Variants in TAGLN2 observed in about 807,000 individuals in gnomAD.
TAGLN2 encodes transgelin-2.
TAGLN2 carries 14 observed loss-of-function variants against 24.9 expected under a neutral mutation model. The ratio of observed to expected loss-of-function variants is 0.56; its 90% CI spans 0.37 to 0.88. The LOEUF (loss-of-function observed/expected upper bound fraction) is 0.88. Ranked by LOEUF, TAGLN2 falls within the 40% of genes least tolerant of loss-of-function variation. The pLI, the probability that TAGLN2 is intolerant of heterozygous loss-of-function variation, is 0.00. For missense variants in TAGLN2, 208 were observed against 258.9 expected (o/e 0.80, Z 1.35); for synonymous variants, 77 against 98.2 (o/e 0.78, Z 1.28).
chr1:159,919,805 G>C lies in TAGLN2; in HGVS notation c.211C>G (p.Pro71Ala). 6.2e-7 allele frequency: 1 copy of C among 1,614,164 alleles called. No homozygotes were observed. Among genetic ancestry groups the C allele is most frequent in the South Asian group, 1.1e-5 (1 of 91,080 alleles). Residue 71 changes from proline to alanine, a missense_variant, in exon 3 of 5, where the codon CCC becomes GCC. By Grantham distance (27) the Pro-to-Ala change is conservative. Coordinates refer to ENST00000368097, the MANE Select transcript of TAGLN2 (RefSeq NM_003564.3). Reference protein sequence around the residue: ...VLCELINALYPEGQAPVKKIQ... With the variant: ...VLCELINALYAEGQAPVKKIQ... ...TTCTTTACTGGGGCCTGCCCCTCGGGGTACAGTGCATTAATGAGCTCACAT... is the reference window on the plus strand; with the variant it reads ...TTCTTTACTGGGGCCTGCCCCTCGGCGTACAGTGCATTAATGAGCTCACAT...
At chr1:159,920,598 T>G in intron 1 of TAGLN2, 61 bp from the exon 2 acceptor site, 1 of 1,549,598 alleles carries the variant, frequency 6.5e-7, no homozygotes. Flanking sequence ...AGTGGGGAAT[T>G]CAGGAATTCT....
intron 1 of TAGLN2, chr1:159,923,457 GA>G: frequency 6.5e-7 from 1 of 1,550,206 alleles, no homozygotes; most frequent in Non-Finnish European, 8.7e-7. Flanking sequence ...CAAAGCCAAA[GA>G]AAAGGCGGAC....
chr1:159,920,592 G>C lies in TAGLN2; in HGVS notation c.-28-55C>G. On this transcript the variant is annotated intron_variant, in intron 1 of 4. Coordinates refer to ENST00000368097, the MANE Select transcript of TAGLN2 (RefSeq NM_003564.3). Reference sequence around the variant, plus strand: ...TCAACACCTTGCAGCCTGGGGAGTGGGGAATTCAGGAATTCTGCCTGCAGG... The same window carrying C: ...TCAACACCTTGCAGCCTGGGGAGTGCGGAATTCAGGAATTCTGCCTGCAGG... The C allele has an allele frequency of 6.4e-6, 10 of 1,560,154 alleles. No individual in the cohort carries two copies. The South Asian group carries it at 1.2e-4, about 19-fold the overall frequency.
chr1:159,919,222 G>T, intron 4 of TAGLN2, 52 bp downstream of exon 4: 1 of 1,534,536 alleles, frequency 6.5e-7, no homozygotes, highest in Non-Finnish European at 9.0e-7. Flanking sequence ...GGACAGGATT[G>T]GGCAGAAACA....
intron 4 of TAGLN2, 140 bp from the exon 5 acceptor site, chr1:159,919,081 C>T: frequency 8.0e-6 from 11 of 1,382,422 alleles, no homozygotes; most frequent in Non-Finnish European, 1.1e-5. Flanking sequence ...TCTCTGAAGC[C>T]ACCTCCTCAT....
intron 4 of TAGLN2, 74 bp from the exon 5 acceptor site, chr1:159,919,015 A>T: frequency 2.5e-6 from 4 of 1,587,472 alleles, no homozygotes; most frequent in Non-Finnish European, 3.4e-6. Context: ...GACAGAGCAC[A>T]GGCTTTGCTG....
chr1:159,918,980 G>C (rs1309386667), intron 4 of TAGLN2, 39 bp from the exon 5 acceptor site: 1 of 1,611,822 alleles, frequency 6.2e-7, no homozygotes, highest in Non-Finnish European at 8.5e-7. Context: ...GAGATCACAG[G>C]CTGCCCTAGT....
rs772601440 is a variant in TAGLN2 at position 159,920,470 on chromosome 1, C to A, written c.40G>T (p.Val14Leu). Residue 14 changes from valine to leucine, a missense_variant, in exon 2 of 5, where the codon GTG (valine) becomes TTG (leucine). Val to Leu is a conservative substitution (Grantham distance 32). Transcript: ENST00000368097. ...RGPAYGLSRE[V>L]QQKIEKQYDA... ...TATTGTTTCTCAATCTTCTGCTGCACCTCCCGGCTCAGGCCATATGCAGGT... is the reference window on the plus strand; with the variant it reads ...TATTGTTTCTCAATCTTCTGCTGCAACTCCCGGCTCAGGCCATATGCAGGT... The A allele has an allele frequency of 1.2e-6, 2 of 1,614,276 alleles. No homozygotes were observed. Among genetic ancestry groups the A allele is most frequent in the South Asian group, 1.1e-5 (1 of 91,092 alleles).
intron 2 of TAGLN2, 83 bp from the exon 3 acceptor site, chr1:159,919,918 C>T (rs953765229): frequency 3.4e-5 from 51 of 1,481,048 alleles, no homozygotes; most frequent in South Asian, 1.8e-4. Context: ...GAACCAGAGA[C>T]AATGAACCAG....
At chr1:159,922,754 C>G (rs903432975) in intron 1 of TAGLN2, among the ~76,000 whole-genome samples, 2 of 152,198 alleles carry the variant, frequency 1.3e-5, no homozygotes, top group African/African-American at 4.8e-5. Flanking sequence ...AACCTAGACA[C>G]TGGGGTTAAG....
Position 159,918,573 on chromosome 1 carries a change from G to T in TAGLN2, c.*227C>A. ...ATTTTGGTCCCAGGGGAAAGGAAGA[G>T]GCCAGTTGGTCCAGTTTTGATGGCT... On this transcript the variant is annotated 3_prime_UTR_variant, in exon 5 of 5. Coordinates refer to ENST00000368097, the MANE Select transcript of TAGLN2 (RefSeq NM_003564.3). The T allele has an allele frequency of 1.8e-6, 1 of 558,516 alleles. No individual in the cohort carries two copies. The highest frequency in any genetic ancestry group is 3.0e-6 in the Non-Finnish European group (1 of 330,058). 34.6% of individuals were successfully genotyped at this position (558,516 alleles called of 1,614,324 possible). A position where few individuals can be genotyped will look rare whatever the true frequency, so the allele number is the denominator to read the frequency against.
At chr1:159,924,798 TCACACA>T (rs1650649291) in intron 1 of TAGLN2, among the ~76,000 whole-genome samples, 1 of 151,762 alleles carries the variant, frequency 6.6e-6, no homozygotes, top group South Asian at 2.1e-4. Context: ...CCCCACAACC[TCACACA>T]GGGCACCCCG....
intron 4 of TAGLN2, 116 bp from the exon 5 acceptor site, chr1:159,919,057 C>T (rs777299584): frequency 5.3e-6 from 8 of 1,511,618 alleles, no homozygotes; most frequent in South Asian, 2.5e-5. Flanking sequence ...GCTCTGCCCT[C>T]GAGAGCCATA....
chr1:159,918,487 AG>A lies in TAGLN2; in HGVS notation c.*312del. On this transcript the variant is annotated 3_prime_UTR_variant, in exon 5 of 5. Coordinates refer to ENST00000368097, the MANE Select transcript of TAGLN2 (RefSeq NM_003564.3). ...ACAGAGCTCAGAGACAGAACAGGCC[AG>A]GGGGAAGAAGGAGAGACAGAATAGG... The A allele has an allele frequency of 3.4e-6, 1 of 293,414 alleles. No individual in the cohort carries two copies. Among genetic ancestry groups the A allele is most frequent in the Non-Finnish European group, 6.5e-6 (1 of 154,824 alleles). 18.2% of individuals were successfully genotyped at this position (293,414 alleles called of 1,614,324 possible). A position where few individuals can be genotyped will look rare whatever the true frequency, so the allele number is the denominator to read the frequency against.
chr1:159,921,478 C>T (rs1186971797), intron 1 of TAGLN2, among the ~76,000 whole-genome samples: 1 of 39,456 alleles, frequency 2.5e-5, no homozygotes, highest in African/African-American at 5.1e-5. Context: ...AATAGATTCA[C>T]CCAAAAACCC....
chr1:159,923,680 A>T (rs1273250681), intron 1 of TAGLN2: 3 of 471,760 alleles, frequency 6.4e-6, no homozygotes, highest in Non-Finnish European at 1.1e-5. Flanking sequence ...GGCGGCCCAC[A>T]ATTAAGGGAA....
At chr1:159,921,636 G>A (rs1250858930) in intron 1 of TAGLN2, among the ~76,000 whole-genome samples, 1 of 152,232 alleles carries the variant, frequency 6.6e-6, no homozygotes, top group Non-Finnish European at 1.5e-5. Flanking sequence ...ACTAATACAG[G>A]AGCCCTGGGT....
chr1:159,923,375 GA>G, intron 1 of TAGLN2: 11 of 1,532,976 alleles, frequency 7.2e-6, no homozygotes, highest in Non-Finnish European at 9.7e-6. Context: ...CAATAGGCGG[GA>G]AACGGGGAGG....
intron 3 of TAGLN2, 132 bp from the exon 4 acceptor site, chr1:159,919,508 A>G (rs1303095764): frequency 1.5e-6 from 2 of 1,311,622 alleles, no homozygotes; most frequent in African/African-American, 1.5e-5. Context: ...TCTCCATTCC[A>G]GCCTCCAATA....
Sources: gnomAD v4.1 joint callset for allele counts (sites outside exome capture counted in the v4.1 genomes callset) on GRCh38, gnomAD v4.1.1 for gene constraint, MANE v1.5 for transcripts, NCBI Gene and HGNC (gene_info 2026-07-23, HGNC 2026-07-21) for gene names.